The following PCCA variants were observed in gnomAD, a reference collection of about 807,000 sequenced individuals.
PCCA encodes the protein propionyl-CoA carboxylase alpha chain, mitochondrial.
A neutral mutation model predicts 101.3 loss-of-function variants in PCCA; 74 were observed. The ratio of observed to expected loss-of-function variants is 0.73; its 90% CI spans 0.61 to 0.89. The LOEUF is 0.89. Ranked by LOEUF, PCCA falls within the 40% of genes least tolerant of loss-of-function variation. The pLI, the probability that PCCA is intolerant of heterozygous loss-of-function variation, is 0.00. For missense variants in PCCA, 891 were observed against 907.0 expected (o/e 0.98, Z 0.23); for synonymous variants, 294 against 313.6 (o/e 0.94, Z 0.66).
intron 21 of PCCA, among the ~76,000 whole-genome samples, chr13:100,493,491 G>GCC (rs1449425058): frequency 1.3e-5 from 2 of 152,282 alleles, no homozygotes; most frequent in South Asian, 4.1e-4. Flanking sequence ...CAAGAAGAGA[G>GCC]CCAACCCACG....
chr13:100,335,389 C>T (rs2070287727), intron 17 of PCCA, among the ~76,000 whole-genome samples: 1 of 152,154 alleles, frequency 6.6e-6, no homozygotes, highest in Admixed American at 6.5e-5. Flanking sequence ...AAAGATGATT[C>T]TTAACTGACT....
At chr13:100,303,083 A>C (rs565680612) in intron 14 of PCCA, 85 bp downstream of exon 14, 1 of 839,564 alleles carries the variant, frequency 1.2e-6, no homozygotes, top group Non-Finnish European at 2.1e-6. Flanking sequence ...TCAACACCAA[A>C]GGGTGTAAAT....
intron 7 of PCCA, among the ~76,000 whole-genome samples, chr13:100,224,314 G>T (rs1224388890): frequency 6.6e-6 from 1 of 152,354 alleles, no homozygotes; most frequent in Non-Finnish European, 1.5e-5. Flanking sequence ...CTCATTGCCC[G>T]GGGCCGGCAG....
intron 10 of PCCA, among the ~76,000 whole-genome samples, chr13:100,263,042 C>G (rs1193657250): frequency 6.6e-6 from 1 of 152,100 alleles, no homozygotes; most frequent in Non-Finnish European, 1.5e-5. Context: ...GCCGACCAGG[C>G]TAATCTCCTT....
intron 21 of PCCA, among the ~76,000 whole-genome samples, chr13:100,458,203 G>A (rs781183652): frequency 6.6e-6 from 1 of 151,740 alleles, no homozygotes; most frequent in Non-Finnish European, 1.5e-5. Flanking sequence ...GGCCAAGCAT[G>A]GTGGCTCATG....
intron 16 of PCCA, among the ~76,000 whole-genome samples, chr13:100,315,147 T>C (rs2067229853): frequency 6.6e-6 from 1 of 152,166 alleles, no homozygotes; most frequent in Non-Finnish European, 1.5e-5. Flanking sequence ...TGTGATAAGA[T>C]GTTATCATTT....
chr13:100,094,344 A>G (rs1486417285), intron 1 of PCCA, among the ~76,000 whole-genome samples: 1 of 152,124 alleles, frequency 6.6e-6, no homozygotes, highest in African/African-American at 2.4e-5. Context: ...ACTGCTTTTG[A>G]CAACACTCTT....
In PCCA at chr13:100,324,470, A is replaced by G. The variant is rs541378367; in HGVS notation, c.1430-6091A>G. On this transcript the variant is annotated intron_variant, in intron 16 of 23. Transcript: ENST00000376285. Reference sequence around the variant, plus strand: ...TTGAAAAAGCTTTCAGACAAACTCTATAGCCTCGAAGTACCAAAGAAAGAA... The same window carrying G: ...TTGAAAAAGCTTTCAGACAAACTCTGTAGCCTCGAAGTACCAAAGAAAGAA... Among the ~76,000 whole-genome samples the G allele has an allele frequency of 6.6e-5, 10 of 152,318 alleles. No individual in the cohort carries two copies. In the East Asian group the frequency reaches 1.7e-3, roughly 26 times the overall value.
At chr13:100,416,004 G>A (rs1320703846) in intron 19 of PCCA, among the ~76,000 whole-genome samples, 4 of 152,122 alleles carry the variant, frequency 2.6e-5, no homozygotes, top group African/African-American at 9.7e-5. Context: ...TTTAGGGTGT[G>A]TACTTTCTTT....
intron 9 of PCCA, among the ~76,000 whole-genome samples, chr13:100,260,589 G>A (rs532527184): frequency 3.2e-4 from 48 of 151,898 alleles, no homozygotes; most frequent in African/African-American, 1.1e-3. Flanking sequence ...TAGAGACAGG[G>A]TTTCACCGTG....
At chr13:100,323,524 G>A (rs982400539) in intron 16 of PCCA, among the ~76,000 whole-genome samples, 1 of 152,082 alleles carries the variant, frequency 6.6e-6, no homozygotes, top group South Asian at 2.1e-4. Flanking sequence ...CACCATGTTG[G>A]CCAGGCTGGT....
intron 12 of PCCA, among the ~76,000 whole-genome samples, chr13:100,279,607 C>G (rs1013783587): frequency 6.6e-6 from 1 of 152,088 alleles, no homozygotes. Context: ...TCCGGAGTAG[C>G]TGGGACTACA....
chr13:100,131,628 C>CT (rs2050522744), intron 4 of PCCA, among the ~76,000 whole-genome samples: 1 of 151,854 alleles, frequency 6.6e-6, no homozygotes, highest in Admixed American at 6.6e-5. Flanking sequence ...ACCTAGTATG[C>CT]TTTTTTTTAT....
chr13:100,362,271 G>A (rs563772886), intron 18 of PCCA, among the ~76,000 whole-genome samples: 6 of 152,116 alleles, frequency 3.9e-5, no homozygotes, highest in East Asian at 3.8e-4. Context: ...TTGACTGTAT[G>A]TTAGTTGTAT....
At chr13:100,411,500 A>G (rs1262186321) in intron 19 of PCCA, among the ~76,000 whole-genome samples, 1 of 152,346 alleles carries the variant, frequency 6.6e-6, no homozygotes, top group Admixed American at 6.5e-5. Context: ...ATAAAAATAC[A>G]TTAATCAAGA....
At chr13:100,144,469 A>G (rs955807255) in intron 4 of PCCA, among the ~76,000 whole-genome samples, 1 of 152,226 alleles carries the variant, frequency 6.6e-6, no homozygotes, top group Non-Finnish European at 1.5e-5. Flanking sequence ...TAGGACTGGT[A>G]TGATCACTTT....
intron 19 of PCCA, among the ~76,000 whole-genome samples, chr13:100,385,998 A>G (rs1409385737): frequency 6.6e-6 from 1 of 152,246 alleles, no homozygotes; most frequent in Admixed American, 6.5e-5. Context: ...GCAATTTGAC[A>G]AAATGAATTT....
chr13:100,207,933 G>A lies in PCCA; in HGVS notation c.469-1399G>A, dbSNP rs374606115. Among the ~76,000 whole-genome samples, 149 of 152,008 alleles carry A rather than the reference G, an allele frequency of 9.8e-4. 4 individuals carry two copies. The South Asian group carries it at 0.028, about 28-fold the overall frequency. On this transcript the variant is annotated intron_variant, in intron 6 of 23. Transcript: ENST00000376285. ...CTCGGGAGGCTGAGGCAGGAGAATC[G>A]CTTGAACCCGGGAGACGGAGGTTGC...
intron 6 of PCCA, among the ~76,000 whole-genome samples, chr13:100,189,619 G>C (rs963295467): frequency 6.6e-6 from 1 of 152,060 alleles, no homozygotes; most frequent in Non-Finnish European, 1.5e-5. Context: ...TTTTATCTTT[G>C]TTTTTGTTGC....
Sources: allele counts gnomAD v4.1 joint callset (sites outside exome capture counted in the v4.1 genomes callset), GRCh38; gene constraint gnomAD v4.1.1; transcripts MANE v1.5; gene names NCBI Gene and HGNC (gene_info 2026-07-23, HGNC 2026-07-21).